Variants in CACUL1 observed in about 807,000 individuals in gnomAD.
The protein encoded by CACUL1 is CDK2 associated cullin domain 1.
CACUL1 carries 13 observed loss-of-function variants against 45.2 expected under a neutral mutation model. The observed-to-expected ratio is 0.29, with a 90% confidence interval of 0.19 to 0.46. CACUL1 has a LOEUF of 0.46. Ranked by LOEUF, CACUL1 falls within the 20% of genes least tolerant of loss-of-function variation. The pLI, the probability that CACUL1 is intolerant of heterozygous loss-of-function variation, is 1.00. For synonymous variants in CACUL1, 197 were observed against 174.2 expected (o/e 1.13, Z -1.03); for missense variants, 421 against 471.4 (o/e 0.89, Z 0.99).
intron 1 of CACUL1, among the ~76,000 whole-genome samples, chr10:118,736,269 T>C (rs1245258963): frequency 6.6e-6 from 1 of 152,214 alleles, no homozygotes; most frequent in East Asian, 1.9e-4. Context: ...TTTGTATAGT[T>C]GTACTGTGTT....
intron 6 of CACUL1, chr10:118,692,681 CAT>C (rs763899274): frequency 6.6e-6 from 1 of 152,128 alleles, no homozygotes; most frequent in Non-Finnish European, 1.5e-5. Context: ...TTTGGCTACA[CAT>C]GTCAAAAACT....
In CACUL1 at chr10:118,680,080, T is replaced by C. The variant is rs1845138927; in HGVS notation, c.*6048A>G. 1 of 152,124 alleles carries C rather than the reference T, an allele frequency of 6.6e-6. No individual in the cohort carries two copies. Among genetic ancestry groups the C allele is most frequent in the Non-Finnish European group, 1.5e-5 (1 of 68,024 alleles). 9.4% of individuals were successfully genotyped at this position (152,124 alleles called of 1,614,324 possible). On this transcript the variant is annotated 3_prime_UTR_variant, in exon 9 of 9. Transcript: ENST00000369151. The stretch of plus-strand genomic sequence containing the variant: ...AGGAAAACAGATTAAAAAAAAAACC[T>C]ACTCAAGACTACAGCTAGTTAAGCT...
intron 4 of CACUL1, 65 bp downstream of exon 4, chr10:118,707,427 G>T: frequency 1.4e-6 from 1 of 735,754 alleles, no homozygotes; most frequent in Non-Finnish European, 2.3e-6. Flanking sequence ...TTAACTCTCT[G>T]CATCTATTTG....
intron 6 of CACUL1, among the ~76,000 whole-genome samples, chr10:118,692,012 CATG>C (rs1190490782): frequency 1.3e-5 from 2 of 150,570 alleles, no homozygotes; most frequent in Non-Finnish European, 2.9e-5. Flanking sequence ...TGGAGGAAAA[CATG>C]AATGTGATTA....
intron 1 of CACUL1, among the ~76,000 whole-genome samples, chr10:118,751,894 C>A (rs1016813895): frequency 2.6e-5 from 4 of 152,120 alleles, no homozygotes; most frequent in African/African-American, 7.2e-5. Flanking sequence ...AAAGGTCTTG[C>A]GTATTCACGG....
chr10:118,690,127 C>T (rs898720701), intron 7 of CACUL1, among the ~76,000 whole-genome samples: 2 of 151,940 alleles, frequency 1.3e-5, no homozygotes, highest in Admixed American at 6.6e-5. Flanking sequence ...AGGTGAAACC[C>T]CGTCTCTACT....
chr10:118,684,832 A>G lies in CACUL1; in HGVS notation c.*1296T>C, dbSNP rs978358466. The G allele has an allele frequency of 3.3e-5, 5 of 152,258 alleles. No homozygotes were observed. The highest frequency in any genetic ancestry group is 1.3e-4 in the Admixed American group (2 of 15,290). The allele number at this position is 152,258 out of a possible 1,614,324, so 9.4% of individuals were successfully genotyped here. On this transcript the variant is annotated 3_prime_UTR_variant, in exon 9 of 9. Coordinates refer to ENST00000369151, the MANE Select transcript of CACUL1 (RefSeq NM_153810.5). ...CTATTAGTCTGATGTTGCCTAGTAG[A>G]GAAGCCTATGCTCAATTAAGATTCA...
intron 3 of CACUL1, among the ~76,000 whole-genome samples, chr10:118,709,937 G>A (rs568598925): frequency 5.4e-4 from 82 of 151,324 alleles, no homozygotes; most frequent in African/African-American, 2.0e-3. Context: ...GAAAGGTCTT[G>A]CTCTGTCTTC....
intron 1 of CACUL1, among the ~76,000 whole-genome samples, chr10:118,746,295 A>G (rs1382979629): frequency 6.6e-6 from 1 of 152,212 alleles, no homozygotes; most frequent in Non-Finnish European, 1.5e-5. Flanking sequence ...ATGAAATAGA[A>G]CTGACGCCCA....
intron 3 of CACUL1, among the ~76,000 whole-genome samples, chr10:118,712,678 G>C (rs796163192): frequency 2.0e-4 from 31 of 152,318 alleles, no homozygotes; most frequent in African/African-American, 7.2e-4. Context: ...AGCAGAAAGG[G>C]TAGCTCCTCT....
chr10:118,737,033 C>G lies in CACUL1; in HGVS notation c.368-6623G>C, dbSNP rs972637310. ...TACCCTATGATGTTCCCACAGTGTACAAAATCGCCTAACAAAACAATTCTC... is the reference window on the plus strand; with the variant it reads ...TACCCTATGATGTTCCCACAGTGTAGAAAATCGCCTAACAAAACAATTCTC... On this transcript the variant is annotated intron_variant, in intron 1 of 8. Transcript: ENST00000369151. 3.3e-5 allele frequency among the ~76,000 whole-genome samples: 5 copies of G among 149,520 alleles called. No individual in the cohort carries two copies. The East Asian group carries it at 7.9e-4, about 24-fold the overall frequency.
intron 1 of CACUL1, among the ~76,000 whole-genome samples, chr10:118,750,525 T>G (rs11198590): frequency 0.28 from 43,095 of 152,006 alleles, 6,303 homozygotes; most frequent in East Asian, 0.39. Flanking sequence ...CATGTATCCA[T>G]CAAGATAATA....
chr10:118,734,158 T>C (rs1163696134), intron 1 of CACUL1, among the ~76,000 whole-genome samples: 3 of 152,210 alleles, frequency 2.0e-5, no homozygotes, highest in African/African-American at 4.8e-5. Context: ...ATTTAGACAA[T>C]ACTTTTCAAC....
At chr10:118,735,726 C>T (rs1845734399) in intron 1 of CACUL1, among the ~76,000 whole-genome samples, 1 of 152,020 alleles carries the variant, frequency 6.6e-6, no homozygotes, top group Non-Finnish European at 1.5e-5. Flanking sequence ...GTCTTCCTAC[C>T]AAAGATTCAC....
chr10:118,715,314 A>C (rs567808612), intron 3 of CACUL1, among the ~76,000 whole-genome samples: 257 of 152,358 alleles, frequency 1.7e-3, no homozygotes, highest in Middle Eastern at 3.4e-3. Flanking sequence ...AAGGGGAAAG[A>C]AAGCTTGTCA....
chr10:118,735,373 A>G (rs1035551846), intron 1 of CACUL1, among the ~76,000 whole-genome samples: 14 of 152,322 alleles, frequency 9.2e-5, no homozygotes, highest in South Asian at 2.1e-4. Flanking sequence ...ATTACTTTCT[A>G]TCAGTGCCTC....
intron 6 of CACUL1, chr10:118,693,813 G>C (rs1000525949): frequency 2.3e-6 from 1 of 438,974 alleles, no homozygotes; most frequent in African/African-American, 2.1e-5. Flanking sequence ...CTTTATACAA[G>C]TAATTTCTGT....
At chr10:118,707,718 G>T (rs12414881) in intron 3 of CACUL1, 131 bp from the exon 4 acceptor site, 5 of 513,758 alleles carry the variant, frequency 9.7e-6, no homozygotes, top group African/African-American at 2.1e-5. Flanking sequence ...AAAAAAAAAG[G>T]AAGACACGTA....
chr10:118,704,097 G>C (rs1163829149), intron 4 of CACUL1, among the ~76,000 whole-genome samples: 2 of 151,784 alleles, frequency 1.3e-5, no homozygotes, highest in African/African-American at 4.8e-5. Flanking sequence ...AAAAGAATAA[G>C]GTAGTGGCTA....
Sources: allele counts gnomAD v4.1 joint callset (sites outside exome capture counted in the v4.1 genomes callset), GRCh38; gene constraint gnomAD v4.1.1; transcripts MANE v1.5; gene names NCBI Gene and HGNC (gene_info 2026-07-23, HGNC 2026-07-21).